Variants in PTPRD observed in about 807,000 individuals in gnomAD.
PTPRD encodes protein tyrosine phosphatase receptor type D.
In PTPRD, 34 loss-of-function variants were observed where a neutral mutation model predicts 214.5. The ratio of observed to expected loss-of-function variants is 0.16; its 90% CI spans 0.12 to 0.21. The LOEUF (loss-of-function observed/expected upper bound fraction) is 0.21, where lower values mean the gene tolerates loss of function less well. Ranked by LOEUF, PTPRD falls within the 10% of genes least tolerant of loss-of-function variation. The pLI is 1.00. For synonymous variants in PTPRD, 1,128 were observed against 845.7 expected, an observed-to-expected ratio of 1.33 and a Z score of -5.79; for missense variants, 2,545 against 2,398.7, an observed-to-expected ratio of 1.06 and a Z score of -1.27.
chr9:8,669,552 A>G (rs540811019), intron 12 of PTPRD, among the ~76,000 whole-genome samples: 20 of 152,262 alleles, frequency 1.3e-4, no homozygotes, highest in South Asian at 1.2e-3. Context: ...CACCAAGGTT[A>G]GTGGAAGGAA....
intron 2 of PTPRD, among the ~76,000 whole-genome samples, chr9:10,484,440 A>G (rs539548453): frequency 6.6e-6 from 1 of 151,950 alleles, no homozygotes; most frequent in Non-Finnish European, 1.5e-5. Context: ...TAAAGCTCTT[A>G]AAGATTTTTA....
chr9:8,995,532 G>T (rs182847086), intron 11 of PTPRD, among the ~76,000 whole-genome samples: 1 of 152,066 alleles, frequency 6.6e-6, no homozygotes, highest in Admixed American at 6.6e-5. Context: ...GGTGTATGGG[G>T]CTCTTACAGA....
intron 7 of PTPRD, among the ~76,000 whole-genome samples, chr9:9,612,243 T>C (rs1564053118): frequency 6.6e-6 from 1 of 152,254 alleles, no homozygotes; most frequent in South Asian, 2.1e-4. Context: ...CTGAAGCTTC[T>C]GAAATGAAGT....
intron 14 of PTPRD, among the ~76,000 whole-genome samples, chr9:8,581,076 TG>T (rs1206072571): frequency 6.6e-6 from 1 of 152,126 alleles, no homozygotes; most frequent in Non-Finnish European, 1.5e-5. Context: ...TTAATTGGTT[TG>T]GTACTGGGAA....
chr9:10,125,605 C>A (rs1563973752), intron 3 of PTPRD, among the ~76,000 whole-genome samples: 3 of 148,188 alleles, frequency 2.0e-5, no homozygotes, highest in Non-Finnish European at 4.5e-5. Flanking sequence ...CAGGCGTGCG[C>A]TACCACGCTC....
At chr9:9,600,298 T>C (rs535890796) in intron 7 of PTPRD, among the ~76,000 whole-genome samples, 20 of 152,172 alleles carry the variant, frequency 1.3e-4, no homozygotes, top group African/African-American at 4.8e-4. Context: ...AAGTAAAAAA[T>C]GTACACACCA....
chr9:9,235,467 TTTTC>T (rs1299716555), intron 9 of PTPRD, among the ~76,000 whole-genome samples: 1 of 152,098 alleles, frequency 6.6e-6, no homozygotes, highest in East Asian at 1.9e-4. Flanking sequence ...AGTGGACAGT[TTTTC>T]TTTGTGTCTT....
chr9:10,045,835 T>C (rs141279215), intron 3 of PTPRD, among the ~76,000 whole-genome samples: 9 of 151,872 alleles, frequency 5.9e-5, no homozygotes, highest in African/African-American at 1.9e-4. Flanking sequence ...TTTCATCAAA[T>C]GATTTTTTTA....
At chr9:9,142,038 A>G (rs1430097448) in intron 10 of PTPRD, among the ~76,000 whole-genome samples, 1 of 152,252 alleles carries the variant, frequency 6.6e-6, no homozygotes, top group Non-Finnish European at 1.5e-5. Context: ...CCATTAGGAA[A>G]TTAAAACTGG....
At chr9:9,547,432 G>A (rs956974101) in intron 8 of PTPRD, among the ~76,000 whole-genome samples, 4 of 151,976 alleles carry the variant, frequency 2.6e-5, no homozygotes, top group Admixed American at 1.3e-4. Context: ...GGTTCTCAGA[G>A]CCAGGACTTA....
At chr9:9,998,129 A>ATATATATATATATATATATAT (rs1555449230) in intron 4 of PTPRD, among the ~76,000 whole-genome samples, 14 of 91,452 alleles carry the variant, frequency 1.5e-4, no homozygotes, top group African/African-American at 7.7e-4. Flanking sequence ...AAAAAAAAAA[A>ATATATATATATATATATATAT]ATATATATAT....
At chr9:9,302,758 A>G (rs564822972) in intron 9 of PTPRD, among the ~76,000 whole-genome samples, 9 of 151,402 alleles carry the variant, frequency 5.9e-5, no homozygotes, top group Non-Finnish European at 3.0e-5. Flanking sequence ...ATAATTCCTC[A>G]TAGCAGTTCC....
chr9:9,304,714 C>T (rs1188971035), intron 9 of PTPRD, among the ~76,000 whole-genome samples: 1 of 150,898 alleles, frequency 6.6e-6, no homozygotes, highest in East Asian at 1.9e-4. Flanking sequence ...TATATAATCT[C>T]TAGATTTTAT....
intron 10 of PTPRD, among the ~76,000 whole-genome samples, chr9:9,175,454 C>G (rs1475038247): frequency 6.6e-6 from 1 of 151,686 alleles, no homozygotes; most frequent in Admixed American, 6.6e-5. Context: ...AACCCCGTCT[C>G]TACTAAAAAT....
chr9:9,358,704 T>C (rs1370784234), intron 9 of PTPRD, among the ~76,000 whole-genome samples: 2 of 151,356 alleles, frequency 1.3e-5, no homozygotes, highest in Non-Finnish European at 3.0e-5. Flanking sequence ...GAGAGAATGG[T>C]AGAACTAAAA....
intron 12 of PTPRD, among the ~76,000 whole-genome samples, chr9:8,679,731 G>A (rs1368824651): frequency 6.6e-6 from 1 of 152,174 alleles, no homozygotes; most frequent in East Asian, 1.9e-4. Flanking sequence ...TGAGACCACT[G>A]CCAAAGAAAG....
intron 9 of PTPRD, among the ~76,000 whole-genome samples, chr9:9,238,496 T>A (rs1377089917): frequency 6.6e-6 from 1 of 152,144 alleles, no homozygotes; most frequent in Non-Finnish European, 1.5e-5. Flanking sequence ...CTCGGGCATC[T>A]GATTCGGTCA....
intron 3 of PTPRD, among the ~76,000 whole-genome samples, chr9:10,037,337 G>A (rs1478052346): frequency 1.3e-5 from 2 of 151,964 alleles, no homozygotes; most frequent in African/African-American, 2.4e-5. Flanking sequence ...CATCCCCCTT[G>A]GTGGTGTTGC....
intron 12 of PTPRD, among the ~76,000 whole-genome samples, chr9:8,649,480 A>T (rs1481109127): frequency 6.6e-6 from 1 of 152,238 alleles, no homozygotes; most frequent in Non-Finnish European, 1.5e-5. Flanking sequence ...AGTAGCTACT[A>T]TATCCCCAAA....
Sources: allele counts gnomAD v4.1 joint callset (sites outside exome capture counted in the v4.1 genomes callset), GRCh38; gene constraint gnomAD v4.1.1; transcripts MANE v1.5; gene names NCBI Gene and HGNC (gene_info 2026-07-23, HGNC 2026-07-21).